The following HS3ST4 variants were observed in gnomAD, a reference collection of about 807,000 sequenced individuals.
HS3ST4 encodes the protein heparan sulfate-glucosamine 3-sulfotransferase 4.
Under a neutral mutation model 29.2 loss-of-function variants are expected in HS3ST4, and 17 were observed. The observed-to-expected ratio is 0.58, with a 90% CI of 0.40 to 0.87. The LOEUF is 0.87. HS3ST4 is among the 40% of genes least tolerant of loss of function. The pLI, the probability that HS3ST4 is intolerant of heterozygous loss-of-function variation, is 0.00. For missense variants in HS3ST4, 627 were observed against 634.5 expected (o/e 0.99, Z 0.13); for synonymous variants, 314 against 285.7 (o/e 1.10, Z -1.00).
intron 1 of HS3ST4, among the ~76,000 whole-genome samples, chr16:25,754,750 A>G (rs1445440607): frequency 2.0e-5 from 3 of 152,122 alleles, no homozygotes; most frequent in Non-Finnish European, 4.4e-5. Flanking sequence ...CACCCCCATG[A>G]TTAAATTATC....
intron 1 of HS3ST4, among the ~76,000 whole-genome samples, chr16:26,090,237 C>T (rs1898839945): frequency 6.6e-6 from 1 of 151,866 alleles, no homozygotes. Context: ...GGAATGAAAC[C>T]CACTCCATCT....
intron 1 of HS3ST4, among the ~76,000 whole-genome samples, chr16:25,970,814 C>T (rs1285912687): frequency 2.0e-5 from 3 of 152,040 alleles, no homozygotes; most frequent in Non-Finnish European, 4.4e-5. Context: ...ATTCCTTTCA[C>T]AGGGGCACCC....
chr16:25,854,002 T>A (rs1307998081), intron 1 of HS3ST4, among the ~76,000 whole-genome samples: 1 of 152,232 alleles, frequency 6.6e-6, no homozygotes, highest in Non-Finnish European at 1.5e-5. Context: ...AGGTATTTGA[T>A]TACTGATTTG....
chr16:25,960,150 C>G (rs1315982296), intron 1 of HS3ST4, among the ~76,000 whole-genome samples: 1 of 151,858 alleles, frequency 6.6e-6, no homozygotes, highest in Admixed American at 6.6e-5. Context: ...AAAAAAGAAT[C>G]TGGGACCTTC....
intron 1 of HS3ST4, among the ~76,000 whole-genome samples, chr16:26,128,873 G>T (rs1474169158): frequency 7.4e-6 from 1 of 135,266 alleles, no homozygotes; most frequent in Middle Eastern, 4.1e-3. Context: ...AACTGGCCCT[G>T]CTTCACCCCA....
chr16:26,133,942 T>C (rs762886181), intron 1 of HS3ST4, among the ~76,000 whole-genome samples: 2 of 152,242 alleles, frequency 1.3e-5, no homozygotes, highest in Non-Finnish European at 2.9e-5. Flanking sequence ...CCTGCTGTAC[T>C]GACAGGTATT....
intron 1 of HS3ST4, among the ~76,000 whole-genome samples, chr16:25,884,406 CAT>C (rs1967928195): frequency 6.6e-6 from 1 of 152,226 alleles, no homozygotes; most frequent in Non-Finnish European, 1.5e-5. Context: ...TGCACACACA[CAT>C]GTGCCCGCAG....
chr16:25,825,659 G>A (rs1193338564), intron 1 of HS3ST4: 2 of 152,220 alleles, frequency 1.3e-5, no homozygotes, highest in Non-Finnish European at 2.9e-5. Context: ...AGAGACCTGT[G>A]TGAACGTAAG....
intron 1 of HS3ST4, among the ~76,000 whole-genome samples, chr16:25,753,060 A>G (rs535961306): frequency 5.3e-5 from 8 of 152,314 alleles, no homozygotes; most frequent in Admixed American, 2.0e-4. Flanking sequence ...ATTGTGCTCA[A>G]CAGTATGATG....
intron 1 of HS3ST4, among the ~76,000 whole-genome samples, chr16:25,968,938 A>G (rs758879924): frequency 1.3e-5 from 2 of 151,928 alleles, no homozygotes; most frequent in East Asian, 3.9e-4. Context: ...TCCTGCGTCA[A>G]CCTCCCGAGT....
chr16:26,099,657 AC>A (rs1337168228), intron 1 of HS3ST4, among the ~76,000 whole-genome samples: 1 of 152,206 alleles, frequency 6.6e-6, no homozygotes, highest in Non-Finnish European at 1.5e-5. Context: ...TGTCCATTTA[AC>A]AAATATGTAC....
intron 1 of HS3ST4, among the ~76,000 whole-genome samples, chr16:25,981,567 C>T (rs961826494): frequency 6.6e-6 from 1 of 150,614 alleles, no homozygotes; most frequent in Non-Finnish European, 1.5e-5. Flanking sequence ...ACACCTGGAA[C>T]AGTATACCTT....
intron 1 of HS3ST4, among the ~76,000 whole-genome samples, chr16:25,764,989 G>T (rs1014295114): frequency 6.6e-6 from 1 of 152,200 alleles, no homozygotes; most frequent in African/African-American, 2.4e-5. Flanking sequence ...TAAAAGAAGA[G>T]AAATGGCTTA....
intron 1 of HS3ST4, among the ~76,000 whole-genome samples, chr16:25,975,569 AAAG>A: frequency 6.6e-6 from 1 of 152,328 alleles, no homozygotes; most frequent in South Asian, 2.1e-4. Flanking sequence ...GAAATTAAAA[AAAG>A]AAAAGAAAAA....
intron 1 of HS3ST4, among the ~76,000 whole-genome samples, chr16:25,828,070 G>T (rs550254000): frequency 9.9e-5 from 15 of 151,940 alleles, no homozygotes; most frequent in Admixed American, 3.9e-4. Context: ...TACAGATTTG[G>T]TGTACAAATT....
intron 1 of HS3ST4, among the ~76,000 whole-genome samples, chr16:25,980,188 A>C (rs930082501): frequency 1.1e-4 from 16 of 152,136 alleles, no homozygotes; most frequent in African/African-American, 3.9e-4. Context: ...ACCTCCTAGG[A>C]GTGACTTTCC....
chr16:25,748,795 G>T (rs759757262), intron 1 of HS3ST4, among the ~76,000 whole-genome samples: 4 of 152,150 alleles, frequency 2.6e-5, no homozygotes, highest in Non-Finnish European at 5.9e-5. Flanking sequence ...CCATTAGATT[G>T]GTAGGAATGA....
chr16:26,045,887 C>T (rs1246773420), intron 1 of HS3ST4, among the ~76,000 whole-genome samples: 1 of 152,196 alleles, frequency 6.6e-6, no homozygotes, highest in Admixed American at 6.5e-5. Context: ...GTTCTCTACA[C>T]AATCTAGCTT....
At chr16:26,041,712 T>C (rs1969637526) in intron 1 of HS3ST4, among the ~76,000 whole-genome samples, 1 of 152,170 alleles carries the variant, frequency 6.6e-6, no homozygotes, top group African/African-American at 2.4e-5. Flanking sequence ...AATAAAACCT[T>C]ATTCACAAAA....
Sources: allele counts gnomAD v4.1 joint callset (sites outside exome capture counted in the v4.1 genomes callset), GRCh38; gene constraint gnomAD v4.1.1; transcripts MANE v1.5; gene names NCBI Gene and HGNC (gene_info 2026-07-23, HGNC 2026-07-21).